The following ABI3BP variants were observed in gnomAD, a reference collection of about 807,000 sequenced individuals.
ABI3BP encodes the protein target of Nesh-SH3.
ABI3BP carries 216 observed loss-of-function variants against 268.6 expected under a neutral mutation model. That is an observed-to-expected ratio of 0.80 (90% confidence interval 0.72 to 0.90). The LOEUF is 0.90. Ranked by LOEUF, ABI3BP falls within the 40% of genes least tolerant of loss-of-function variation. The probability of loss-of-function intolerance (pLI) is 0.00; values close to 1 mark genes in which losing one functional copy is unlikely to be tolerated. For missense variants in ABI3BP, 2,090 were observed against 2,182.4 expected (o/e 0.96, Z 0.84); for synonymous variants, 730 against 730.0 (o/e 1.00, Z 0.00).
chr3:100,966,119 C>A (rs553915669), intron 1 of ABI3BP, among the ~76,000 whole-genome samples: 5 of 152,160 alleles, frequency 3.3e-5, no homozygotes, highest in Admixed American at 2.0e-4. Context: ...TGTTCTCTAA[C>A]CTGAAGTGGT....
intron 35 of ABI3BP, among the ~76,000 whole-genome samples, chr3:100,825,206 GA>G (rs938909741): frequency 1.8e-4 from 27 of 152,052 alleles, no homozygotes; most frequent in African/African-American, 4.3e-4. Flanking sequence ...CTTGCTGGGG[GA>G]AAAAAATGAT....
At chr3:100,787,112 A>G (rs149890491) in intron 57 of ABI3BP, among the ~76,000 whole-genome samples, 289 of 152,266 alleles carry the variant, frequency 1.9e-3, no homozygotes, top group Middle Eastern at 0.01. Context: ...CCATTTATCC[A>G]TGAAGTTGGG....
intron 63 of ABI3BP, among the ~76,000 whole-genome samples, chr3:100,765,395 A>G (rs1362916331): frequency 6.6e-6 from 1 of 152,188 alleles, no homozygotes; most frequent in African/African-American, 2.4e-5. Flanking sequence ...GCCTGAGACT[A>G]GTCTGTAGTT....
At chr3:100,771,065 T>G in intron 61 of ABI3BP, 113 bp from the exon 62 acceptor site, 4 of 959,922 alleles carry the variant, frequency 4.2e-6, no homozygotes, top group Non-Finnish European at 4.4e-6. Context: ...AAGCGGATGG[T>G]TGAAAGCCAT....
intron 27 of ABI3BP, among the ~76,000 whole-genome samples, 180 bp downstream of exon 27, chr3:100,836,944 A>C (rs1320108517): frequency 6.6e-6 from 1 of 152,240 alleles, no homozygotes; most frequent in Non-Finnish European, 1.5e-5. Context: ...TTACAAGCTG[A>C]GCAGCAGATG....
intron 58 of ABI3BP, among the ~76,000 whole-genome samples, chr3:100,778,961 A>G (rs1184249364): frequency 3.3e-5 from 5 of 152,210 alleles, no homozygotes; most frequent in African/African-American, 1.2e-4. Flanking sequence ...ATAAACACGC[A>G]TAGAATTTAA....
intron 51 of ABI3BP, among the ~76,000 whole-genome samples, chr3:100,799,051 GTCCATGTTTTCATTTC>G (rs1419229193): frequency 6.6e-6 from 1 of 151,596 alleles, no homozygotes. Flanking sequence ...TTCTCTATTT[GTCCATGTTTTCATTTC>G]TCCATGTTAC....
intron 2 of ABI3BP, among the ~76,000 whole-genome samples, chr3:100,909,564 T>G (rs1269493321): frequency 6.6e-6 from 1 of 151,938 alleles, no homozygotes; most frequent in South Asian, 2.1e-4. Flanking sequence ...TAAACAAATT[T>G]ACAAGAAAAA....
chr3:100,875,666 A>G lies in ABI3BP; in HGVS notation c.746-87T>C, dbSNP rs2099154831. 6 of 923,844 alleles carry G rather than the reference A, an allele frequency of 6.5e-6. No homozygotes were observed. The Admixed American group carries it at 1.1e-4, about 17-fold the overall frequency. 57.2% of individuals were successfully genotyped at this position (923,844 alleles called of 1,614,324 possible). A position where few individuals can be genotyped will look rare whatever the true frequency, so the allele number is the denominator to read the frequency against. ...AATGTGAAGCCATCTGCACTGGAAA[A>G]GCCTTGATCTAACTTTATTAATTAA... On this transcript the variant is annotated intron_variant, in intron 7 of 67. Transcript: ENST00000471714.
At chr3:100,813,988 C>T (rs1578675754) in intron 44 of ABI3BP, among the ~76,000 whole-genome samples, 2 of 151,746 alleles carry the variant, frequency 1.3e-5, no homozygotes, top group East Asian at 1.9e-4. Flanking sequence ...TTTCATGACA[C>T]GTGAAAATGG....
chr3:100,953,692 A>C (rs916286359), intron 1 of ABI3BP, among the ~76,000 whole-genome samples: 5 of 152,150 alleles, frequency 3.3e-5, no homozygotes, highest in Admixed American at 2.6e-4. Flanking sequence ...ACATTTCTTG[A>C]ATTTTGAGGG....
At chr3:100,827,519 A>G (rs1373832445) in intron 34 of ABI3BP, among the ~76,000 whole-genome samples, 2 of 152,150 alleles carry the variant, frequency 1.3e-5, no homozygotes, top group Non-Finnish European at 2.9e-5. Context: ...TTGGAGGTAG[A>G]AAAAGATAAC....
intron 63 of ABI3BP, among the ~76,000 whole-genome samples, chr3:100,755,684 T>C (rs9864113): frequency 0.04 from 6,166 of 152,322 alleles, 371 homozygotes; most frequent in African/African-American, 0.13. Context: ...AAAGCAAATC[T>C]TTTAAAGAAA....
At chr3:100,949,712 T>C (rs2153748892) in intron 1 of ABI3BP, among the ~76,000 whole-genome samples, 1 of 152,290 alleles carries the variant, frequency 6.6e-6, no homozygotes, top group South Asian at 2.1e-4. Context: ...CATTGTATTG[T>C]TTGTGAGATC....
chr3:100,771,047 C>T (rs534703889), intron 61 of ABI3BP, 95 bp from the exon 62 acceptor site: 1 of 1,129,086 alleles, frequency 8.9e-7, no homozygotes, highest in African/African-American at 1.6e-5. Context: ...CATTTGGTCT[C>T]ATATTATAAG....
intron 6 of ABI3BP, among the ~76,000 whole-genome samples, chr3:100,881,828 T>C (rs73864019): frequency 0.041 from 6,198 of 152,218 alleles, 455 homozygotes; most frequent in African/African-American, 0.14. Context: ...AGGAGCAATA[T>C]TGAAAACATT....
In ABI3BP at chr3:100,940,517, T is replaced by C. The variant is rs1455948368; in HGVS notation, c.80-14036A>G. ...ACATTAGCCACATTCACAAAGGCCA[T>C]GCAAAAATAGTTGCTACTTACACAA... On this transcript the variant is annotated intron_variant, in intron 1 of 67. Coordinates refer to ENST00000471714, the MANE Select transcript of ABI3BP (RefSeq NM_001375547.2). Among the ~76,000 whole-genome samples the C allele has an allele frequency of 2.6e-5, 4 of 151,678 alleles. No individual in the cohort carries two copies. The East Asian group carries it at 7.8e-4, about 30-fold the overall frequency.
intron 2 of ABI3BP, chr3:100,914,413 G>A (rs967421684): frequency 2.2e-6 from 1 of 455,330 alleles, no homozygotes; most frequent in African/African-American, 2.0e-5. Flanking sequence ...TCATACTAAA[G>A]GTTAAACTAC....
At chr3:100,908,000 C>T (rs1448255783) in intron 2 of ABI3BP, among the ~76,000 whole-genome samples, 1 of 151,660 alleles carries the variant, frequency 6.6e-6, no homozygotes, top group East Asian at 1.9e-4. Flanking sequence ...CCTGTTGTCC[C>T]AACTACTCGG....
Sources: allele counts gnomAD v4.1 joint callset (sites outside exome capture counted in the v4.1 genomes callset), GRCh38; gene constraint gnomAD v4.1.1; transcripts MANE v1.5; gene names NCBI Gene and HGNC (gene_info 2026-07-23, HGNC 2026-07-21).